Variants in AP4E1 observed in about 807,000 individuals in gnomAD.
AP4E1 encodes the protein AP-4 complex subunit epsilon-1.
AP4E1 carries 56 observed loss-of-function variants against 128.2 expected under a neutral mutation model. That is an observed-to-expected ratio of 0.44 (90% CI 0.35 to 0.55). The LOEUF (loss-of-function observed/expected upper bound fraction) is 0.55, where lower values mean the gene tolerates loss of function less well. AP4E1 is among the 20% of genes least tolerant of loss of function. The pLI is 0.00. For missense variants in AP4E1, 1,324 were observed against 1,307.7 expected (o/e 1.01, Z -0.19); for synonymous variants, 484 against 473.1 (o/e 1.02, Z -0.30).
At chr15:50,935,228 T>C (rs1268409784) in intron 8 of AP4E1, among the ~76,000 whole-genome samples, 1 of 152,038 alleles carries the variant, frequency 6.6e-6, no homozygotes, top group African/African-American at 2.4e-5. Context: ...TGGGAGAATA[T>C]AGCAGCTAGT....
intron 3 of AP4E1, among the ~76,000 whole-genome samples, chr15:50,919,243 A>T (rs1042145611): frequency 2.2e-5 from 3 of 137,584 alleles, no homozygotes; most frequent in African/African-American, 8.3e-5. Flanking sequence ...AAAATAAATA[A>T]ATAATGTGGC....
At chr15:50,922,791 TTTTTG>T (rs2063722450) in intron 3 of AP4E1, among the ~76,000 whole-genome samples, 3 of 151,808 alleles carry the variant, frequency 2.0e-5, no homozygotes, top group Non-Finnish European at 4.4e-5. Flanking sequence ...TCTTTTTTTT[TTTTTG>T]AGACCGAGTC....
chr15:50,945,380 G>A (rs1173167057), intron 10 of AP4E1: 2 of 778,938 alleles, frequency 2.6e-6, no homozygotes, highest in Non-Finnish European at 4.8e-6. Flanking sequence ...TTAGATATGA[G>A]AACAAATACA....
At chr15:50,911,495 T>G (rs1341930905) in intron 1 of AP4E1, among the ~76,000 whole-genome samples, 2 of 150,898 alleles carry the variant, frequency 1.3e-5, no homozygotes, top group Non-Finnish European at 3.0e-5. Flanking sequence ...TTTTTTTTTT[T>G]TTTTTTAGAT....
rs200034177 is a variant in AP4E1, at chr15:50,925,111, C to G, written c.434C>G (p.Thr145Ser). ...VNTVVKDLQS[T>S]NLVEVCMALT... ...ATGTTGTGCCAGGATCTGCAGAGCA[C>G]TAACCTAGTAGAAGTGTGTATGGCA... Residue 145 changes from threonine (T) to serine (S), a missense_variant, in exon 5 of 21, where the codon ACT (threonine) becomes AGT (serine). Physicochemically the swap from Thr to Ser is moderately conservative, Grantham distance 58. Coordinates refer to ENST00000261842, the MANE Select transcript of AP4E1 (RefSeq NM_007347.5). 8.7e-6 allele frequency: 14 copies of G among 1,613,924 alleles called. No homozygotes were observed. The highest frequency in any genetic ancestry group is 8.5e-6 in the Non-Finnish European group (10 of 1,179,930).
chr15:50,964,540 T>G (rs2064361450), intron 14 of AP4E1, among the ~76,000 whole-genome samples: 1 of 152,158 alleles, frequency 6.6e-6, no homozygotes, highest in Non-Finnish European at 1.5e-5. Context: ...TTTCTTTGCT[T>G]TTTTATTTTT....
intron 8 of AP4E1, among the ~76,000 whole-genome samples, chr15:50,940,246 A>G (rs1384234102): frequency 6.6e-6 from 1 of 152,190 alleles, no homozygotes. Flanking sequence ...GGTTCAGCCA[A>G]CTTACTCTGT....
At chr15:50,986,799 G>T (rs1595574093) in intron 16 of AP4E1, among the ~76,000 whole-genome samples, 2 of 152,278 alleles carry the variant, frequency 1.3e-5, no homozygotes, top group South Asian at 2.1e-4. Flanking sequence ...CTAGGCTTTG[G>T]TATCAGGATG....
At position 50,920,110 on chromosome 15, in the gene AP4E1, C is replaced by CTTCTTT. The variant is rs1555454236; in HGVS notation, c.347-3819_347-3818insCTTTTT. On this transcript the variant is annotated intron_variant, in intron 3 of 20. Coordinates refer to ENST00000261842, the MANE Select transcript of AP4E1 (RefSeq NM_007347.5). ...AAAAAAAAAAAGATAAAATTTATGC[C>CTTCTTT]TTTTTTTTTTTTTTTTTTTTTGAGA... Among the ~76,000 whole-genome samples, 24 of 50,112 alleles carry CTTCTTT rather than the reference C, an allele frequency of 4.8e-4. 1 individual carries two copies. Among genetic ancestry groups the CTTCTTT allele is most frequent in the African/African-American group, 7.1e-4 (9 of 12,754 alleles). 32.9% of individuals were successfully genotyped at this position (50,112 alleles called of 152,430 possible). A position where few individuals can be genotyped will look rare whatever the true frequency, so the allele number is the denominator to read the frequency against.
At chr15:50,919,283 A>G (rs1289189571) in intron 3 of AP4E1, among the ~76,000 whole-genome samples, 1 of 151,924 alleles carries the variant, frequency 6.6e-6, no homozygotes, top group African/African-American at 2.4e-5. Flanking sequence ...CTGTAATCCC[A>G]GCACTTTGGG....
In AP4E1 at chr15:50,947,936, G is replaced by A. The variant is rs34620401; in HGVS notation, c.1177-84G>A. ...CTCCATAAAAGTAGAAGAATCAACT[G>A]TATGGTCAACCTTTATGTTACTGTA... is the stretch of plus-strand genomic sequence containing the variant. On this transcript the variant is annotated intron_variant, in intron 10 of 20. Coordinates refer to ENST00000261842, the MANE Select transcript of AP4E1 (RefSeq NM_007347.5). The A allele has an allele frequency of 0.012, 14,199 of 1,139,704 alleles. 121 individuals carry two copies. Among genetic ancestry groups the A allele is most frequent in the Middle Eastern group, 0.044 (154 of 3,504 alleles). The allele number at this position is 1,139,704 out of a possible 1,614,324, so 70.6% of individuals were successfully genotyped here.
chr15:50,913,019 T>C (rs1284871627), intron 2 of AP4E1, among the ~76,000 whole-genome samples: 2 of 151,974 alleles, frequency 1.3e-5, no homozygotes, highest in Non-Finnish European at 2.9e-5. Context: ...CTTCAGCAAA[T>C]ATTTGGTGAG....
At chr15:50,991,488 T>C (rs536245922) in intron 16 of AP4E1, among the ~76,000 whole-genome samples, 1 of 152,214 alleles carries the variant, frequency 6.6e-6, no homozygotes, top group Non-Finnish European at 1.5e-5. Context: ...CCATGACCAC[T>C]TGGGATCTGC....
intron 6 of AP4E1, 152 bp from the exon 7 acceptor site, chr15:50,930,653 T>C (rs2063821994): frequency 2.6e-6 from 2 of 780,858 alleles, no homozygotes; most frequent in African/African-American, 3.5e-5. Context: ...AATTTTATCA[T>C]GGAAGATATT....
intron 1 of AP4E1, among the ~76,000 whole-genome samples, chr15:50,909,698 T>A (rs1567203598): frequency 6.6e-6 from 1 of 151,942 alleles, no homozygotes. Flanking sequence ...TAATTTTTGT[T>A]TTTTTTTGAG....
chr15:50,914,358 A>G (rs190439571), intron 2 of AP4E1, among the ~76,000 whole-genome samples: 1 of 152,270 alleles, frequency 6.6e-6, no homozygotes. Flanking sequence ...ACATATTAAA[A>G]TAGTCTATGT....
At chr15:50,931,443 G>A (rs1307826653) in intron 7 of AP4E1, among the ~76,000 whole-genome samples, 1 of 152,138 alleles carries the variant, frequency 6.6e-6, no homozygotes, top group Non-Finnish European at 1.5e-5. Context: ...GCGCGCGCCT[G>A]TAATCCTAGC....
intron 16 of AP4E1, among the ~76,000 whole-genome samples, chr15:50,988,340 A>T (rs938185827): frequency 6.6e-6 from 1 of 152,052 alleles, no homozygotes; most frequent in Non-Finnish European, 1.5e-5. Context: ...TTGAGACACA[A>T]TTTCACTCTT....
At chr15:50,907,933 C>A (rs1170715652), upstream of AP4E1, among the ~76,000 whole-genome samples, 2 of 152,206 alleles carry the variant, frequency 1.3e-5, no homozygotes, top group Non-Finnish European at 2.9e-5. Flanking sequence ...GCAACTGCGA[C>A]CTGTTCTAAA....
Sources: gnomAD v4.1 joint callset for allele counts (sites outside exome capture counted in the v4.1 genomes callset) on GRCh38, gnomAD v4.1.1 for gene constraint, MANE v1.5 for transcripts, NCBI Gene and HGNC (gene_info 2026-07-23, HGNC 2026-07-21) for gene names.